Variants in ERBB2 observed in about 807,000 individuals in gnomAD.
ERBB2 encodes erb-b2 receptor tyrosine kinase 2.
In ERBB2, 61 loss-of-function variants were observed where a neutral mutation model predicts 149.0. The ratio of observed to expected loss-of-function variants is 0.41; its 90% CI spans 0.33 to 0.51. ERBB2 has a LOEUF of 0.51. Among genes scored for constraint, ERBB2 ranks in the 20% least tolerant of loss-of-function variants. The pLI is 0.25. For missense variants in ERBB2, 1,205 were observed against 1,655.1 expected (o/e 0.73, Z 4.72); for synonymous variants, 633 against 678.8 (o/e 0.93, Z 1.05).
At chr17:39,708,562 T>C (rs2145449251) in intron 3 of ERBB2, 28 bp downstream of exon 3, 2 of 1,580,786 alleles carry the variant, frequency 1.3e-6, no homozygotes, top group Non-Finnish European at 8.7e-7. Flanking sequence ...TGAAACCTTC[T>C]CTTGGTTATT....
chr17:39,705,861 G>C (rs532484779), intron 1 of ERBB2, among the ~76,000 whole-genome samples: 1 of 152,178 alleles, frequency 6.6e-6, no homozygotes, highest in Non-Finnish European at 1.5e-5. Flanking sequence ...AGCAGTGACC[G>C]GCAGGAATTC....
chr17:39,699,567 G>C (rs966070730), upstream of ERBB2: 3 of 1,531,882 alleles, frequency 2.0e-6, no homozygotes, highest in African/African-American at 1.4e-5. Flanking sequence ...GATATGCCCC[G>C]GGGGTCCTGG....
intron 4 of ERBB2, 96 bp from the exon 5 acceptor site, chr17:39,709,717 G>A (rs375300751): frequency 8.0e-6 from 10 of 1,257,332 alleles, no homozygotes; most frequent in Middle Eastern, 1.8e-4. Flanking sequence ...AGTTGGCCTC[G>A]TGGCCTCTGC....
intron 1 of ERBB2, 161 bp from the exon 2 acceptor site, chr17:39,706,829 C>G (rs1597859463): frequency 1.9e-6 from 1 of 522,734 alleles, no homozygotes; most frequent in African/African-American, 2.0e-5. Context: ...CTTTCTCCTG[C>G]TGTTAAACCT....
chr17:39,700,642 C>T (rs2058046957), intron 1 of ERBB2, among the ~76,000 whole-genome samples: 1 of 152,106 alleles, frequency 6.6e-6, no homozygotes, highest in Non-Finnish European at 1.5e-5. Flanking sequence ...GCGCGCGTTT[C>T]CCCCCTTCTT....
chr17:39,709,548 C>T, intron 4 of ERBB2, 96 bp downstream of exon 4: 4 of 1,451,372 alleles, frequency 2.8e-6, no homozygotes, highest in Non-Finnish European at 3.8e-6. Flanking sequence ...CGCCACTGCC[C>T]CAGCCGCCTA....
chr17:39,712,103 GC>G, intron 8 of ERBB2, 56 bp downstream of exon 8: 1 of 1,611,926 alleles, frequency 6.2e-7, no homozygotes, highest in Non-Finnish European at 8.5e-7. Flanking sequence ...TGCGCATGCA[GC>G]CTGGCCCAGC....
At chr17:39,699,461 A>T (rs1225214472), upstream of ERBB2, 102 of 212,562 alleles carry the variant, frequency 4.8e-4, no homozygotes, top group Non-Finnish European at 6.6e-4. Context: ...AAGTTCGTTT[A>T]AAAAAAAAAA....
intron 1 of ERBB2, among the ~76,000 whole-genome samples, chr17:39,705,000 G>A (rs2058341639): frequency 6.6e-6 from 1 of 152,180 alleles, no homozygotes; most frequent in South Asian, 2.1e-4. Flanking sequence ...GGATCTGAAG[G>A]CAGGCCAGCC....
intron 8 of ERBB2, 81 bp downstream of exon 8, chr17:39,712,128 T>A: frequency 4.4e-6 from 7 of 1,602,812 alleles, no homozygotes; most frequent in Non-Finnish European, 6.0e-6. Flanking sequence ...CCCTGTCCTA[T>A]CCTTCCTCAG....
At chr17:39,717,085 T>C (rs949127929) in intron 14 of ERBB2, 1 of 497,512 alleles carries the variant, frequency 2.0e-6, no homozygotes, top group Non-Finnish European at 3.6e-6. Context: ...TTTTCCTCTC[T>C]GGGTGCCTCC....
chr17:39,710,580 G>C (rs974580314), intron 7 of ERBB2, 99 bp downstream of exon 7: 2 of 1,399,806 alleles, frequency 1.4e-6, no homozygotes, highest in African/African-American at 2.8e-5. Context: ...CTTGCTTTGA[G>C]AGCTGGTCAT....
At chr17:39,697,683 C>G (rs931559041), upstream of ERBB2, among the ~76,000 whole-genome samples, 2 of 151,278 alleles carry the variant, frequency 1.3e-5, no homozygotes, top group African/African-American at 2.4e-5. Context: ...TGTTCAATTC[C>G]TTTCTCTCTC....
At chr17:39,692,422 T>A (rs2904765), upstream of ERBB2, among the ~76,000 whole-genome samples, 3 of 145,202 alleles carry the variant, frequency 2.1e-5, no homozygotes, top group Non-Finnish European at 4.6e-5. Context: ...TTTTTTTTTT[T>A]AAACGGAGTT....
chr17:39,710,337 C>G lies in ERBB2; in HGVS notation c.760-3C>G, dbSNP rs1431941547. 1 of 1,614,148 alleles carries G rather than the reference C, an allele frequency of 6.2e-7. No individual in the cohort carries two copies. Among genetic ancestry groups the G allele is most frequent in the Non-Finnish European group, 8.5e-7 (1 of 1,180,036 alleles). The stretch of plus-strand genomic sequence containing the variant: ...AGTGAAAGCCAGCCACCTGTCCCCC[C>G]AGGCCTGCCTCCACTTCAACCACAG... On this transcript the variant is annotated splice_region_variant and splice_polypyrimidine_tract_variant and intron_variant, in intron 6 of 26. Coordinates refer to ENST00000269571, the MANE Select transcript of ERBB2 (RefSeq NM_004448.4).
rs749884649 is a variant in ERBB2 at position 39,712,099 on chromosome 17, T to C, written c.1021+52T>C. The C allele has an allele frequency of 5.3e-5, 85 of 1,612,746 alleles. 1 individual carries two copies. In the Admixed American group the frequency reaches 1.4e-3, roughly 26 times the overall value. On this transcript the variant is annotated intron_variant, in intron 8 of 26. Transcript: ENST00000269571. ...GCTGCAGTTCCTGTCCCTCTGCGCA[T>C]GCAGCCTGGCCCAGCCCACCCTGTC...
At chr17:39,695,720 C>T (rs894933635), upstream of ERBB2, among the ~76,000 whole-genome samples, 3 of 141,854 alleles carry the variant, frequency 2.1e-5, no homozygotes, top group African/African-American at 8.0e-5. Context: ...CACACACACA[C>T]ACACACACAC....
At chr17:39,706,928 G>T in intron 1 of ERBB2, 62 bp from the exon 2 acceptor site, 1 of 1,424,738 alleles carries the variant, frequency 7.0e-7, no homozygotes, top group Non-Finnish European at 9.3e-7. Flanking sequence ...TTTGGATGGG[G>T]TGGCCAGGTC....
At chr17:39,694,253 ATATATATATATATATGTGTG>A (rs2057794960), upstream of ERBB2, among the ~76,000 whole-genome samples, 1 of 28,230 alleles carries the variant, frequency 3.5e-5, no homozygotes, top group African/African-American at 8.7e-5. Flanking sequence ...ATATATATAT[ATATATATATATATATGTGTG>A]TATATATATA....
Sources: gnomAD v4.1 joint callset for allele counts (sites outside exome capture counted in the v4.1 genomes callset) on GRCh38, gnomAD v4.1.1 for gene constraint, MANE v1.5 for transcripts, NCBI Gene and HGNC (gene_info 2026-07-23, HGNC 2026-07-21) for gene names.